Variants in ATE1 observed in about 807,000 individuals in gnomAD.
The protein encoded by ATE1 is arginyltransferase 1, also known as arginyl-tRNA--protein transferase 1.
In ATE1, 36 loss-of-function variants were observed where a neutral mutation model predicts 70.5. The ratio of observed to expected loss-of-function variants is 0.51; its 90% CI spans 0.39 to 0.67. ATE1 has a LOEUF of 0.67. ATE1 is among the 30% of genes least tolerant of loss of function. The probability of loss-of-function intolerance (pLI) is 0.00; values close to 1 mark genes in which losing one functional copy is unlikely to be tolerated. For synonymous variants in ATE1, 232 were observed against 219.3 expected (o/e 1.06, Z -0.51); for missense variants, 593 against 629.5 (o/e 0.94, Z 0.62).
At chr10:121,899,586 C>T (rs1950901730) in intron 7 of ATE1, among the ~76,000 whole-genome samples, 1 of 152,054 alleles carries the variant, frequency 6.6e-6, no homozygotes, top group African/African-American at 2.4e-5. Flanking sequence ...TAATTTAGAG[C>T]TCTATTACTA....
At chr10:121,783,166 T>C (rs1946067062) in intron 11 of ATE1, among the ~76,000 whole-genome samples, 1 of 134,204 alleles carries the variant, frequency 7.5e-6, no homozygotes, top group Non-Finnish European at 1.6e-5. Context: ...AGTTACATGC[T>C]TTCTTGAAAT....
chr10:121,868,894 T>C (rs1012129932), intron 8 of ATE1, among the ~76,000 whole-genome samples: 2 of 152,140 alleles, frequency 1.3e-5, no homozygotes, highest in African/African-American at 4.8e-5. Context: ...TTATCAGCAA[T>C]AATAGTTTCA....
chr10:121,820,257 C>T (rs1175172377), intron 10 of ATE1, among the ~76,000 whole-genome samples: 1 of 152,128 alleles, frequency 6.6e-6, no homozygotes, highest in Non-Finnish European at 1.5e-5. Context: ...ATTTCCTAAT[C>T]AATGAATTTA....
At chr10:121,841,643 AT>A in intron 8 of ATE1, among the ~76,000 whole-genome samples, 1 of 152,322 alleles carries the variant, frequency 6.6e-6, no homozygotes, top group Non-Finnish European at 1.5e-5. Context: ...GAGGACCATT[AT>A]TCTAAGTGAA....
chr10:121,746,950 G>C (rs1415698148), intron 11 of ATE1, among the ~76,000 whole-genome samples: 2 of 152,178 alleles, frequency 1.3e-5, no homozygotes, highest in Non-Finnish European at 2.9e-5. Flanking sequence ...TCATCTTAGA[G>C]AATGTCAGTT....
At chr10:121,750,767 T>A (rs942140345) in intron 11 of ATE1, among the ~76,000 whole-genome samples, 3 of 152,216 alleles carry the variant, frequency 2.0e-5, no homozygotes, top group African/African-American at 7.2e-5. Context: ...TAAAACAAGT[T>A]ACATACTCCA....
intron 11 of ATE1, among the ~76,000 whole-genome samples, chr10:121,749,687 A>G (rs1295756383): frequency 6.6e-6 from 1 of 152,236 alleles, no homozygotes; most frequent in Non-Finnish European, 1.5e-5. Context: ...TTCAAGTAAC[A>G]TAGAAATAAA....
intron 8 of ATE1, among the ~76,000 whole-genome samples, chr10:121,863,519 G>A (rs920568611): frequency 1.3e-5 from 2 of 151,920 alleles, no homozygotes; most frequent in African/African-American, 4.8e-5. Context: ...CAAAAGTGCT[G>A]GGATTACAGG....
intron 7 of ATE1, among the ~76,000 whole-genome samples, chr10:121,885,719 G>A (rs1239026067): frequency 6.6e-6 from 1 of 151,958 alleles, no homozygotes; most frequent in Non-Finnish European, 1.5e-5. Context: ...GGCCAACATG[G>A]TGAAACCCTG....
intron 11 of ATE1, among the ~76,000 whole-genome samples, chr10:121,745,544 G>A (rs192292661): frequency 1.4e-3 from 208 of 152,112 alleles, no homozygotes; most frequent in East Asian, 4.3e-3. Flanking sequence ...GTGAAACCCC[G>A]TCTCTACTAA....
chr10:121,905,055 T>C (rs536826909), intron 5 of ATE1, among the ~76,000 whole-genome samples: 1 of 152,182 alleles, frequency 6.6e-6, no homozygotes, highest in Non-Finnish European at 1.5e-5. Flanking sequence ...GCACACACAC[T>C]CTGTCTGACA....
chr10:121,890,028 C>T (rs1484255416), intron 7 of ATE1, among the ~76,000 whole-genome samples: 1 of 152,110 alleles, frequency 6.6e-6, no homozygotes, highest in Non-Finnish European at 1.5e-5. Flanking sequence ...TAAAGTAAAC[C>T]TAACAAAGTT....
Position 121,808,479 on chromosome 10 carries a change from G to A in ATE1, c.1258-18190C>T, listed in dbSNP as rs555680460. Among the ~76,000 whole-genome samples, 103 of 152,258 alleles carry A rather than the reference G, an allele frequency of 6.8e-4. No homozygotes were observed. The South Asian group carries it at 0.019, about 28-fold the overall frequency. Reference sequence around the variant, plus strand: ...AGAGTGAGGCAAATTAATATAGCTCGTGATTTAACTCTTCAGTGGCAACCG... The same window carrying A: ...AGAGTGAGGCAAATTAATATAGCTCATGATTTAACTCTTCAGTGGCAACCG... On this transcript the variant is annotated intron_variant, in intron 10 of 11. Coordinates refer to ENST00000224652, the MANE Select transcript of ATE1 (RefSeq NM_001001976.3).
chr10:121,892,463 C>T (rs1383707948), intron 7 of ATE1, among the ~76,000 whole-genome samples: 1 of 147,380 alleles, frequency 6.8e-6, no homozygotes, highest in African/African-American at 2.5e-5. Context: ...AAAAGAGATA[C>T]GGGGAAGTTT....
At chr10:121,799,767 C>G (rs959852166) in intron 10 of ATE1, among the ~76,000 whole-genome samples, 5 of 152,272 alleles carry the variant, frequency 3.3e-5, no homozygotes, top group African/African-American at 9.6e-5. Context: ...TATTATAAAA[C>G]TCATGGTTTT....
chr10:121,800,628 C>T (rs1590335593), intron 10 of ATE1, among the ~76,000 whole-genome samples: 1 of 152,140 alleles, frequency 6.6e-6, no homozygotes, highest in South Asian at 2.1e-4. Flanking sequence ...TTTAAATACA[C>T]ACACACACAG....
intron 11 of ATE1, among the ~76,000 whole-genome samples, chr10:121,760,085 C>G (rs1037712531): frequency 2.0e-5 from 3 of 152,188 alleles, no homozygotes; most frequent in Non-Finnish European, 2.9e-5. Context: ...ACTGTTGAGA[C>G]CTACTGCTCA....
intron 7 of ATE1, among the ~76,000 whole-genome samples, chr10:121,873,725 T>C (rs982905877): frequency 1.3e-5 from 2 of 151,784 alleles, no homozygotes; most frequent in Admixed American, 6.6e-5. Context: ...AAAATGATAA[T>C]TATTTTCTCT....
chr10:121,865,936 G>A (rs1250014080), intron 8 of ATE1, among the ~76,000 whole-genome samples: 4 of 152,212 alleles, frequency 2.6e-5, no homozygotes, highest in Non-Finnish European at 4.4e-5. Context: ...TAGTCATTGT[G>A]GAGAAAGTGA....
Sources: allele counts gnomAD v4.1 joint callset (sites outside exome capture counted in the v4.1 genomes callset), GRCh38; gene constraint gnomAD v4.1.1; transcripts MANE v1.5; gene names NCBI Gene and HGNC (gene_info 2026-07-23, HGNC 2026-07-21).